The following CPLX2 variants were observed in gnomAD, a reference collection of about 807,000 sequenced individuals.
CPLX2 encodes complexin 2.
Under a neutral mutation model 16.3 loss-of-function variants are expected in CPLX2, and 5 were observed. The observed-to-expected ratio is 0.31, with a 90% CI of 0.16 to 0.64. The LOEUF (loss-of-function observed/expected upper bound fraction) is 0.64. Among genes scored for constraint, CPLX2 ranks in the 30% least tolerant of loss-of-function variants. The pLI is 0.79. For missense variants in CPLX2, 144 were observed against 181.4 expected (o/e 0.79, Z 1.18); for synonymous variants, 89 against 73.2 (o/e 1.22, Z -1.10).
At chr5:175,834,857 G>T (rs903853505) in intron 2 of CPLX2, among the ~76,000 whole-genome samples, 1 of 152,192 alleles carries the variant, frequency 6.6e-6, no homozygotes, top group Non-Finnish European at 1.5e-5. Flanking sequence ...CTGGGCGACA[G>T]AGCGAGATCC....
At chr5:175,817,618 G>A (rs1442375908) in intron 2 of CPLX2, among the ~76,000 whole-genome samples, 2 of 152,116 alleles carry the variant, frequency 1.3e-5, no homozygotes, top group Admixed American at 6.5e-5. Context: ...TTACTCCCAC[G>A]ATGTTTGTGA....
chr5:175,879,228 G>GT (rs1755507880), intron 3 of CPLX2, 145 bp downstream of exon 3: 17 of 833,062 alleles, frequency 2.0e-5, no homozygotes, highest in Middle Eastern at 3.7e-4. Context: ...AGCAAAACGG[G>GT]TATCACAAGG....
chr5:175,843,608 A>T (rs1200086825), intron 2 of CPLX2, among the ~76,000 whole-genome samples: 5 of 152,198 alleles, frequency 3.3e-5, no homozygotes, highest in African/African-American at 4.8e-5. Flanking sequence ...TCCAATCCCT[A>T]CCATCACCTA....
At chr5:175,852,532 C>T (rs1000424772) in intron 2 of CPLX2, among the ~76,000 whole-genome samples, 3 of 152,190 alleles carry the variant, frequency 2.0e-5, no homozygotes, top group East Asian at 1.9e-4. Flanking sequence ...TGCAAAGGCA[C>T]GTACATTCAC....
intron 2 of CPLX2, among the ~76,000 whole-genome samples, chr5:175,850,236 A>G (rs1056728558): frequency 2.6e-5 from 4 of 152,136 alleles, no homozygotes; most frequent in African/African-American, 9.7e-5. Flanking sequence ...CATCAGCCAG[A>G]TATGGGGCCC....
At chr5:175,845,000 C>A (rs1348576160) in intron 2 of CPLX2, among the ~76,000 whole-genome samples, 1 of 152,220 alleles carries the variant, frequency 6.6e-6, no homozygotes, top group Non-Finnish European at 1.5e-5. Context: ...GGCTGCCCCT[C>A]TGCCCAGAAC....
At chr5:175,860,160 G>A (rs1324466507) in intron 2 of CPLX2, among the ~76,000 whole-genome samples, 2 of 152,174 alleles carry the variant, frequency 1.3e-5, no homozygotes, top group Admixed American at 1.3e-4. Flanking sequence ...CAGCTGCTCA[G>A]TCCCACATTC....
chr5:175,860,210 G>A (rs920306347), intron 2 of CPLX2, among the ~76,000 whole-genome samples: 5 of 152,108 alleles, frequency 3.3e-5, no homozygotes, highest in African/African-American at 1.2e-4. Context: ...CCTCCTTTTG[G>A]TCAGGCACTG....
At chr5:175,812,933 A>G (rs1758339540) in intron 2 of CPLX2, among the ~76,000 whole-genome samples, 1 of 152,212 alleles carries the variant, frequency 6.6e-6, no homozygotes, top group South Asian at 2.1e-4. Flanking sequence ...GCATTGAAAG[A>G]GCCTATGCCT....
chr5:175,856,610 G>A (rs772821351), intron 2 of CPLX2, among the ~76,000 whole-genome samples: 4 of 152,240 alleles, frequency 2.6e-5, no homozygotes, highest in East Asian at 1.9e-4. Flanking sequence ...ACAGGATGCC[G>A]TGTGGGCTGC....
chr5:175,851,660 C>T (rs1477928832), intron 2 of CPLX2, among the ~76,000 whole-genome samples: 1 of 152,248 alleles, frequency 6.6e-6, no homozygotes, highest in Non-Finnish European at 1.5e-5. Context: ...TGGGGGCCAC[C>T]AAGATGAATG....
intron 2 of CPLX2, among the ~76,000 whole-genome samples, chr5:175,855,486 C>T (rs1374090245): frequency 6.6e-6 from 1 of 152,130 alleles, no homozygotes; most frequent in African/African-American, 2.4e-5. Flanking sequence ...TATATTTGTT[C>T]ATGTAACTGA....
chr5:175,876,120 C>T (rs982789794), intron 1 of CPLX2, among the ~76,000 whole-genome samples: 2 of 152,122 alleles, frequency 1.3e-5, no homozygotes, highest in African/African-American at 2.4e-5. Context: ...TATTTTCCTA[C>T]GCATGTGTGC....
chr5:175,806,949 C>G (rs1288239471), intron 1 of CPLX2, among the ~76,000 whole-genome samples: 1 of 152,192 alleles, frequency 6.6e-6, no homozygotes, highest in Non-Finnish European at 1.5e-5. Flanking sequence ...GGGGTTATGA[C>G]ATTGGCCTTG....
At chr5:175,816,559 A>G (rs1758412755) in intron 2 of CPLX2, among the ~76,000 whole-genome samples, 1 of 152,146 alleles carries the variant, frequency 6.6e-6, no homozygotes, top group Non-Finnish European at 1.5e-5. Context: ...CTATCTCACC[A>G]TCAGGGGCGG....
At chr5:175,831,950 A>G (rs1340913992) in intron 2 of CPLX2, among the ~76,000 whole-genome samples, 1 of 152,214 alleles carries the variant, frequency 6.6e-6, no homozygotes, top group Non-Finnish European at 1.5e-5. Flanking sequence ...TGCCAAGGCA[A>G]CTTATCCACT....
At chr5:175,861,990 C>T (rs147790858) in intron 2 of CPLX2, among the ~76,000 whole-genome samples, 1 of 152,290 alleles carries the variant, frequency 6.6e-6, no homozygotes, top group African/African-American at 2.4e-5. Flanking sequence ...TGGCCCTTCT[C>T]TGGGCTCTGA....
At position 175,879,092 on chromosome 5, in the gene CPLX2, C is replaced by A. The variant is rs943457446; in HGVS notation, c.207+9C>A. ...AGCAGATCCGAGATAAGGTCAGCTC[C>A]GCCCGCCCGCCCGTCCTGGGGAGGG... On this transcript the variant is annotated intron_variant, in intron 3 of 3. Coordinates refer to ENST00000393745, the MANE Select transcript of CPLX2 (RefSeq NM_001008220.2). 6.4e-7 allele frequency: 1 copy of A among 1,552,516 alleles called. No individual in the cohort carries two copies. The highest frequency in any genetic ancestry group is 2.4e-5 in the East Asian group (1 of 41,446).
At chr5:175,857,055 C>T (rs1297274368) in intron 2 of CPLX2, among the ~76,000 whole-genome samples, 1 of 152,184 alleles carries the variant, frequency 6.6e-6, no homozygotes, top group Non-Finnish European at 1.5e-5. Flanking sequence ...TTATTAAAAC[C>T]TCCAAATGGC....
Sources: gnomAD v4.1 joint callset for allele counts (sites outside exome capture counted in the v4.1 genomes callset) on GRCh38, gnomAD v4.1.1 for gene constraint, MANE v1.5 for transcripts, NCBI Gene and HGNC (gene_info 2026-07-23, HGNC 2026-07-21) for gene names.